The following SH2B3 variants were observed in gnomAD, a reference collection of about 807,000 sequenced individuals.
SH2B3 encodes the protein SH2B adaptor protein 3, also known as SH2B adapter protein 3.
Under a neutral mutation model 51.9 loss-of-function variants are expected in SH2B3, and 43 were observed. The observed-to-expected ratio is 0.83, with a 90% confidence interval of 0.65 to 1.07. The LOEUF is 1.07. Ranked by LOEUF, SH2B3 falls within the 50% of genes least tolerant of loss-of-function variation. The probability of loss-of-function intolerance (pLI) is 0.00; values close to 1 mark genes in which losing one functional copy is unlikely to be tolerated. For synonymous variants in SH2B3, 396 were observed against 376.0 expected (o/e 1.05, Z -0.62); for missense variants, 952 against 834.3 (o/e 1.14, Z -1.74).
chr12:111,447,903 G>A lies in SH2B3; in HGVS notation c.1408+76G>A, dbSNP rs1874193678. 7 of 1,556,868 alleles carry A rather than the reference G, an allele frequency of 4.5e-6. No homozygotes were observed. The South Asian group carries it at 5.8e-5, about 13-fold the overall frequency. ...GGTAGAGGCTTGCTGCAGACCCAGG[G>A]GTACAGGTATCTTGTTCTGTGTCCT... On this transcript the variant is annotated intron_variant, in intron 7 of 7. Coordinates refer to ENST00000341259, the MANE Select transcript of SH2B3 (RefSeq NM_005475.3).
intron 1 of SH2B3, among the ~76,000 whole-genome samples, chr12:111,412,540 G>A (rs932543680): frequency 1.3e-5 from 2 of 152,132 alleles, no homozygotes; most frequent in South Asian, 4.1e-4. Context: ...AGCCACTTAT[G>A]AGCCCCATGC....
At position 111,418,827 on chromosome 12, in the gene SH2B3, C is replaced by T. The variant is rs778665447; in HGVS notation, c.682C>T (p.Pro228Ser). 4 of 1,424,980 alleles carry T rather than the reference C, an allele frequency of 2.8e-6. No individual in the cohort carries two copies. In the South Asian group the frequency reaches 5.9e-5, roughly 21 times the overall value. The allele number at this position is 1,424,980 out of a possible 1,614,324, so 88.3% of individuals were successfully genotyped here. A position where few individuals can be genotyped will look rare whatever the true frequency, so the allele number is the denominator to read the frequency against. Reference protein sequence around the residue: ...QRGRLALRRAPGPDGPDRVLE... With the variant: ...QRGRLALRRASGPDGPDRVLE... ...CGGGAGGCTGGCGCTGCGCCGGGCC[C>T]CGGGCCCCGATGGCCCCGACCGCGT... is the stretch of plus-strand genomic sequence containing the variant. The change falls in exon 2 of 8, where the codon CCG (proline) becomes TCG (serine). Residue 228 changes from proline (P) to serine (S), a missense_variant. Transcript: ENST00000341259. This position sits in a 1 kb window ranked among gnomAD's most constrained non-coding sequence, Gnocchi z 6.7.
chr12:111,447,242 C>T (rs1874081410), intron 5 of SH2B3, 23 bp downstream of exon 5: 11 of 1,594,290 alleles, frequency 6.9e-6, no homozygotes, highest in Non-Finnish European at 7.7e-6. Context: ...ATAGCTAGGC[C>T]ATTGTCTTCT....
chr12:111,446,557 G>C (rs1873979234), intron 2 of SH2B3, among the ~76,000 whole-genome samples, 196 bp from the exon 3 acceptor site: 1 of 152,192 alleles, frequency 6.6e-6, no homozygotes, highest in African/African-American at 2.4e-5. Context: ...TGCTTCTTGG[G>C]ATCTCAGTGT....
chr12:111,446,981 G>C lies in SH2B3; in HGVS notation c.874G>C (p.Glu292Gln), dbSNP rs751330475. ...AGACATCATCTTTGAGGTGGGAGAC[G>C]AGCAGCAGCTGAATTCATGGATGGC... ...RTDIIFEVGD[E>Q]QQLNSWMAEL... The change falls in exon 4 of 8, where the codon GAG becomes CAG. Residue 292 changes from glutamate to glutamine, a missense_variant. Transcript: ENST00000341259. The C allele has an allele frequency of 5.6e-6, 9 of 1,614,074 alleles. No homozygotes were observed. The highest frequency in any genetic ancestry group is 7.6e-6 in the Non-Finnish European group (9 of 1,179,992).
At chr12:111,408,353 G>A (rs1469698222) in intron 1 of SH2B3, among the ~76,000 whole-genome samples, 1 of 152,172 alleles carries the variant, frequency 6.6e-6, no homozygotes, top group East Asian at 1.9e-4. Flanking sequence ...GGGCCGGAAT[G>A]ATCTTTTTTG....
chr12:111,413,760 G>A (rs935701663), intron 1 of SH2B3, among the ~76,000 whole-genome samples: 2 of 152,262 alleles, frequency 1.3e-5, no homozygotes, highest in African/African-American at 4.8e-5. Context: ...AGCTCCTGCT[G>A]TATGCTAGGA....
At position 111,418,197 on chromosome 12, in the gene SH2B3, TCCCCGGCGGCGG is replaced by T; in HGVS notation, c.58_69del (p.Ala20_Pro23del). 6.4e-7 allele frequency: 1 copy of T among 1,573,410 alleles called. No individual in the cohort carries two copies. Among genetic ancestry groups the T allele is most frequent in the African/African-American group, 1.4e-5 (1 of 72,364 alleles). On this transcript the variant is annotated inframe_deletion, in exon 2 of 8. Coordinates refer to ENST00000341259, the MANE Select transcript of SH2B3 (RefSeq NM_005475.3). This position sits in a 1 kb window ranked among gnomAD's most constrained non-coding sequence, Gnocchi z 6.7. ...CTCGCCCTCTTCCGCGCCCTCAGCC[TCCCCGGCGGCGG>T]CCCCGCGGGGCTGGAGCGAGTTCTG...
In SH2B3 at chr12:111,418,312, C is replaced by T. The variant is rs1314581870; in HGVS notation, c.167C>T (p.Ala56Val). 4 of 1,527,280 alleles carry T rather than the reference C, an allele frequency of 2.6e-6. No individual in the cohort carries two copies. Among genetic ancestry groups the T allele is most frequent in the East Asian group, 2.5e-5 (1 of 39,948 alleles). 94.6% of individuals were successfully genotyped at this position (1,527,280 alleles called of 1,614,324 possible). A position where few individuals can be genotyped will look rare whatever the true frequency, so the allele number is the denominator to read the frequency against. The change falls in exon 2 of 8, where the codon GCG (alanine) becomes GTG (valine). Residue 56 changes from alanine to valine, a missense_variant. Ala to Val is a moderately conservative substitution (Grantham distance 64, BLOSUM62 0). Coordinates refer to ENST00000341259, the MANE Select transcript of SH2B3 (RefSeq NM_005475.3). This position sits in a 1 kb window ranked among gnomAD's most constrained non-coding sequence, Gnocchi z 6.7. ...WLFAREHPQH[A>V]PLRAELVSLQ... The stretch of plus-strand genomic sequence containing the variant: ...TTCGCCCGGGAGCATCCGCAGCACG[C>T]GCCGCTGCGCGCCGAGCTGGTGTCG...
At position 111,418,615 on chromosome 12, in the gene SH2B3, C is replaced by T. The variant is rs892189085; in HGVS notation, c.470C>T (p.Ala157Val). 3 of 1,483,794 alleles carry T rather than the reference C, an allele frequency of 2.0e-6. No homozygotes were observed. The highest frequency in any genetic ancestry group is 2.3e-5 in the Admixed American group (1 of 44,316). 91.9% of individuals were successfully genotyped at this position (1,483,794 alleles called of 1,614,324 possible). A position where few individuals can be genotyped will look rare whatever the true frequency, so the allele number is the denominator to read the frequency against. The change falls in exon 2 of 8, where the codon GCC becomes GTC. Residue 157 changes from alanine (A) to valine (V), a missense_variant. Transcript: ENST00000341259. This position sits in a 1 kb window ranked among gnomAD's most constrained non-coding sequence, Gnocchi z 6.7. Reference protein sequence around the residue: ...RRRSAGELPAAHTAAAPGTPG... With the variant: ...RRRSAGELPAVHTAAAPGTPG... Reference sequence around the variant, plus strand: ...CGCTCGGCCGGGGAGCTGCCAGCGGCCCACACCGCTGCCGCCCCCGGGACC... The same window carrying T: ...CGCTCGGCCGGGGAGCTGCCAGCGGTCCACACCGCTGCCGCCCCCGGGACC...
chr12:111,447,017 G>GAGTGC lies in SH2B3; in HGVS notation c.912_916dup (p.Thr306SerfsTer20), dbSNP rs1261765869. 6.2e-7 allele frequency: 1 copy of GAGTGC among 1,614,012 alleles called. No homozygotes were observed. Among genetic ancestry groups the GAGTGC allele is most frequent in the Non-Finnish European group, 8.5e-7 (1 of 1,179,910 alleles). On this transcript the variant is annotated frameshift_variant, in exon 4 of 8. Coordinates refer to ENST00000341259, the MANE Select transcript of SH2B3 (RefSeq NM_005475.3). LOFTEE classifies it high-confidence loss of function. ...GAATTCATGGATGGCTGAGCTCTCG[G>GAGTGC]AGTGCACAGGCCGAGGGTGAGGTCC...
rs1244539055 is a variant in SH2B3 at position 111,410,382 on chromosome 12, G to A, written c.-28+4105G>A. Among the ~76,000 whole-genome samples, 1 of 152,150 alleles carries A rather than the reference G, an allele frequency of 6.6e-6. No homozygotes were observed. Among genetic ancestry groups the A allele is most frequent in the African/African-American group, 2.4e-5 (1 of 41,442 alleles). ...TCCCCAAGTAGCACGTGGGGAGGAGGTTCACCCACAGGCTGCCCTCCTAGG... is the reference window on the plus strand; with the variant it reads ...TCCCCAAGTAGCACGTGGGGAGGAGATTCACCCACAGGCTGCCCTCCTAGG... On this transcript the variant is annotated intron_variant, in intron 1 of 7. Coordinates refer to ENST00000341259, the MANE Select transcript of SH2B3 (RefSeq NM_005475.3). This position sits in a 1 kb window ranked among gnomAD's most constrained non-coding sequence, Gnocchi z 4.9.
At chr12:111,442,772 G>C (rs1873552620) in intron 2 of SH2B3, among the ~76,000 whole-genome samples, 1 of 152,236 alleles carries the variant, frequency 6.6e-6, no homozygotes, top group Non-Finnish European at 1.5e-5. Context: ...GCTCACCTGT[G>C]CCTCTTCCTG....
chr12:111,447,989 G>GC lies in SH2B3; in HGVS notation c.1416dup (p.Asn473GlnfsTer30), dbSNP rs1475454071. On this transcript the variant is annotated frameshift_variant, in exon 8 of 8. Coordinates refer to ENST00000341259, the MANE Select transcript of SH2B3 (RefSeq NM_005475.3). LOFTEE classifies it high-confidence loss of function. ...TCTTGGTCACTTGTCCTAGGTTCCT[G>GC]CAACACGGTCCTCTTCCCTTTCTCC... 6.2e-7 allele frequency: 1 copy of GC among 1,606,654 alleles called. No homozygotes were observed. The highest frequency in any genetic ancestry group is 1.7e-5 in the Admixed American group (1 of 59,676).
intron 2 of SH2B3, among the ~76,000 whole-genome samples, chr12:111,422,519 C>G (rs1268947558): frequency 2.7e-5 from 4 of 150,238 alleles, no homozygotes; most frequent in African/African-American, 9.8e-5. Context: ...TTTTAAAAGT[C>G]ATTTCCTACC....
At chr12:111,444,241 T>C (rs556413862) in intron 2 of SH2B3, 1 of 152,342 alleles carries the variant, frequency 6.6e-6, no homozygotes, top group Admixed American at 6.5e-5. Flanking sequence ...AAAAGAACTA[T>C]AACATCTGGG....
rs73428140 is a variant in SH2B3, at chr12:111,416,280, C to T, written c.-27-1839C>T. On this transcript the variant is annotated intron_variant, in intron 1 of 7. Coordinates refer to ENST00000341259, the MANE Select transcript of SH2B3 (RefSeq NM_005475.3). ...TTAGACACCAATAATATACTCTCACCGCAACATGGAAATAACAACAATGTC... is the reference window on the plus strand; with the variant it reads ...TTAGACACCAATAATATACTCTCACTGCAACATGGAAATAACAACAATGTC... 4.1e-3 allele frequency among the ~76,000 whole-genome samples: 618 copies of T among 152,104 alleles called. 8 individuals carry two copies. Among genetic ancestry groups the T allele is most frequent in the African/African-American group, 0.014 (576 of 41,482 alleles).
chr12:111,447,433 T>C lies in SH2B3; in HGVS notation c.1125T>C (p.Ala375=). The change falls in exon 6 of 8, where the codon GCT becomes GCC. Residue 375 remains alanine, a synonymous_variant. Transcript: ENST00000341259. ...GCCCCATCTCCAGAGTGAAAGCAGC[T>C]CAGCTGGTTCAGCTGCAGGGCCCTG... ...FHGPISRVKA[A]QLVQLQGPDA... 1 of 1,613,804 alleles carries C rather than the reference T, an allele frequency of 6.2e-7. No homozygotes were observed. The highest frequency in any genetic ancestry group is 1.3e-5 in the African/African-American group (1 of 75,008).
intron 2 of SH2B3, among the ~76,000 whole-genome samples, chr12:111,432,951 A>G (rs187679620): frequency 1.3e-5 from 2 of 152,386 alleles, no homozygotes; most frequent in African/African-American, 4.8e-5. Flanking sequence ...GTTATGAATA[A>G]TGCTGCTATG....
Sources: gnomAD v4.1 joint callset for allele counts (sites outside exome capture counted in the v4.1 genomes callset) on GRCh38, gnomAD v4.1.1 for gene constraint, Gnocchi (gnomAD v3.1) non-coding constraint, MANE v1.5 for transcripts, NCBI Gene and HGNC (gene_info 2026-07-23, HGNC 2026-07-21) for gene names.